The following RANBP1 variants were observed in gnomAD, a reference collection of about 807,000 sequenced individuals.
RANBP1 encodes the protein ran-specific GTPase-activating protein.
In RANBP1, 16 loss-of-function variants were observed where a neutral mutation model predicts 31.4. The observed-to-expected ratio is 0.51, with a 90% CI of 0.34 to 0.77. RANBP1 has a LOEUF of 0.77. Ranked by LOEUF, RANBP1 falls within the 30% of genes least tolerant of loss-of-function variation. The pLI is 0.01. For missense variants in RANBP1, 265 were observed against 362.0 expected (o/e 0.73, Z 2.17); for synonymous variants, 129 against 140.5 (o/e 0.92, Z 0.58).
chr22:20,117,805 A>G, intron 1 of RANBP1: 1 of 1,023,060 alleles, frequency 9.8e-7, no homozygotes, highest in Non-Finnish European at 1.2e-6. Flanking sequence ...GGTGGCGCGG[A>G]GTCGGGGCGC....
At chr22:20,126,175 C>A in intron 4 of RANBP1, 128 bp from the exon 5 acceptor site, 1 of 1,110,726 alleles carries the variant, frequency 9.0e-7, no homozygotes, top group Non-Finnish European at 1.3e-6. Context: ...TCAGGTGGAC[C>A]AGTCCTTTCT....
At chr22:20,121,455 G>T (rs969189868) in intron 2 of RANBP1, among the ~76,000 whole-genome samples, 3 of 152,022 alleles carry the variant, frequency 2.0e-5, no homozygotes, top group African/African-American at 7.3e-5. Context: ...CTCCACGTTG[G>T]TCAGGCTGGT....
At chr22:20,125,140 T>C in intron 3 of RANBP1, 168 bp from the exon 4 acceptor site, 1 of 691,550 alleles carries the variant, frequency 1.4e-6, no homozygotes. Context: ...TGAATAAAAC[T>C]CAGGCGCCGT....
intron 4 of RANBP1, 50 bp from the exon 5 acceptor site, chr22:20,126,253 C>A: frequency 6.3e-7 from 1 of 1,585,364 alleles, no homozygotes; most frequent in South Asian, 1.2e-5. Flanking sequence ...CAGGGCATGT[C>A]TCTTCCACTG....
intron 3 of RANBP1, 183 bp from the exon 4 acceptor site, chr22:20,125,125 A>G (rs1213668550): frequency 2.8e-5 from 18 of 637,064 alleles, no homozygotes; most frequent in Non-Finnish European, 5.5e-6. Context: ...ATTTTCAAAG[A>G]GGTTTGAATA....
chr22:20,126,915 T>C, intron 5 of RANBP1, 37 bp from the exon 6 acceptor site: 3 of 1,604,262 alleles, frequency 1.9e-6, no homozygotes, highest in Non-Finnish European at 2.6e-6. Flanking sequence ...GAATGCACCG[T>C]GCTTCTGTTT....
At chr22:20,120,694 G>A (rs1425310271) in intron 2 of RANBP1, among the ~76,000 whole-genome samples, 1 of 152,190 alleles carries the variant, frequency 6.6e-6, no homozygotes, top group Non-Finnish European at 1.5e-5. Context: ...TGTTGGCCAG[G>A]GCCTGTTGCC....
intron 1 of RANBP1, 124 bp downstream of exon 1, chr22:20,116,554 G>A: frequency 6.3e-7 from 1 of 1,593,308 alleles, no homozygotes; most frequent in Non-Finnish European, 8.5e-7. Flanking sequence ...CACCGAGACG[G>A]TAGGGCAGCT....
Position 20,116,374 on chromosome 22 carries a change from T to A in RANBP1, c.190T>A (p.Ser64Thr), listed in dbSNP as rs1194862967. Residue 64 changes from serine to threonine, a missense_variant, in exon 1 of 6, where the codon TCG becomes ACG. By Grantham distance (58) the Ser-to-Thr change is moderately conservative. This residue lies in a region of RANBP1 where 126 missense variants were observed against 123.6 expected (regional missense o/e 1.02). Transcript: ENST00000430524. ...AAAGCGGCCCAGGAAGCGCCGGACGTCGCTGAAGCTGGCGTGGCGAGGCAC... is the reference window on the plus strand; with the variant it reads ...AAAGCGGCCCAGGAAGCGCCGGACGACGCTGAAGCTGGCGTGGCGAGGCAC... ...RPKRPRKRRT[S>T]LKLAWRGTFC... 1 of 1,612,096 alleles carries A rather than the reference T, an allele frequency of 6.2e-7. No homozygotes were observed. The highest frequency in any genetic ancestry group is 1.3e-5 in the African/African-American group (1 of 74,932).
chr22:20,117,508 C>T, intron 1 of RANBP1: 8 of 979,384 alleles, frequency 8.2e-6, no homozygotes, highest in South Asian at 7.6e-5. Flanking sequence ...GGTCGAGGTT[C>T]GGGTCGTGGG....
intron 3 of RANBP1, 162 bp from the exon 4 acceptor site, chr22:20,125,146 G>A (rs529500315): frequency 1.1e-5 from 8 of 710,652 alleles, no homozygotes; most frequent in East Asian, 8.1e-5. Flanking sequence ...AAACTCAGGC[G>A]CCGTGGTACT....
intron 4 of RANBP1, chr22:20,125,716 C>T: frequency 3.1e-6 from 4 of 1,270,096 alleles, no homozygotes; most frequent in Non-Finnish European, 4.1e-6. Context: ...TCTCCAAGCT[C>T]CGGTTCCCAT....
chr22:20,122,782 T>A, intron 3 of RANBP1: 1 of 122,514 alleles, frequency 8.2e-6, no homozygotes, highest in Non-Finnish European at 9.1e-6. Flanking sequence ...GGGGTGGGGG[T>A]TGGTGTCTGG....
intron 1 of RANBP1, chr22:20,118,056 T>A: frequency 4.0e-6 from 4 of 995,484 alleles, no homozygotes; most frequent in Non-Finnish European, 4.8e-6. Context: ...ACGCAGCACT[T>A]CATTCATTCG....
intron 2 of RANBP1, 162 bp downstream of exon 2, chr22:20,119,311 C>T (rs752835677): frequency 6.0e-6 from 4 of 665,310 alleles, no homozygotes; most frequent in African/African-American, 3.6e-5. Context: ...CCGTTCCTTT[C>T]ATGAATCTTC....
intron 1 of RANBP1, chr22:20,117,589 C>A: frequency 7.2e-7 from 1 of 1,380,918 alleles, no homozygotes; most frequent in South Asian, 1.4e-5. Context: ...GAGTAGCCGC[C>A]GAGAGGCCGC....
intron 1 of RANBP1, chr22:20,118,452 G>C: frequency 1.3e-6 from 1 of 745,920 alleles, no homozygotes; most frequent in Non-Finnish European, 1.7e-6. Context: ...TGAAAAAATT[G>C]CTGGCAGAGC....
At chr22:20,121,213 A>G (rs111522241) in intron 2 of RANBP1, among the ~76,000 whole-genome samples, 6,698 of 151,524 alleles carry the variant, frequency 0.044, 216 homozygotes, top group Non-Finnish European at 0.07. Context: ...TTGGCCTCCC[A>G]AAGTGCTGGA....
intron 1 of RANBP1, chr22:20,116,732 C>A (rs969312764): frequency 7.1e-7 from 1 of 1,402,400 alleles, no homozygotes; most frequent in South Asian, 1.4e-5. Flanking sequence ...CCCTGCCCCT[C>A]CCCCAGTCTA....
Sources: gnomAD v4.1 joint callset for allele counts (sites outside exome capture counted in the v4.1 genomes callset) on GRCh38, gnomAD v4.1.1 for gene constraint, gnomAD v4.1.1 regional missense constraint, MANE v1.5 for transcripts, NCBI Gene and HGNC (gene_info 2026-07-23, HGNC 2026-07-21) for gene names.